The following USP10 variants were observed in gnomAD, a reference collection of about 807,000 sequenced individuals.
USP10 encodes ubiquitin carboxyl-terminal hydrolase 10.
A neutral mutation model predicts 84.5 loss-of-function variants in USP10; 22 were observed. The observed-to-expected ratio is 0.26, with a 90% confidence interval of 0.19 to 0.37. USP10 has a LOEUF of 0.37. Ranked by LOEUF, USP10 falls within the 10% of genes least tolerant of loss-of-function variation. The probability of loss-of-function intolerance (pLI) is 1.00; values close to 1 mark genes in which losing one functional copy is unlikely to be tolerated. For synonymous variants in USP10, 454 were observed against 387.6 expected, an observed-to-expected ratio of 1.17 and a Z score of -2.01; for missense variants, 1,019 against 998.9, an observed-to-expected ratio of 1.02 and a Z score of -0.27.
intron 4 of USP10, among the ~76,000 whole-genome samples, chr16:84,751,511 A>G (rs1597366916): frequency 6.6e-6 from 1 of 152,180 alleles, no homozygotes; most frequent in African/African-American, 2.4e-5. Flanking sequence ...ACCCTTGTGG[A>G]CTGAGAGTTT....
intron 3 of USP10, among the ~76,000 whole-genome samples, chr16:84,743,303 G>C (rs1002192993): frequency 1.3e-5 from 2 of 152,124 alleles, no homozygotes; most frequent in Non-Finnish European, 2.9e-5. Flanking sequence ...GGATTGTGCT[G>C]CCACCACCCT....
chr16:84,716,791 T>C (rs184150441), intron 1 of USP10, among the ~76,000 whole-genome samples: 3 of 152,352 alleles, frequency 2.0e-5, no homozygotes, highest in Non-Finnish European at 2.9e-5. Flanking sequence ...TCTACCTTTA[T>C]ATACACCTTA....
rs117255588 is a variant in USP10 at position 84,772,468 on chromosome 16, C to T, written c.1999-73C>T. 317 of 1,591,304 alleles carry T rather than the reference C, an allele frequency of 2.0e-4. No homozygotes were observed. The East Asian group carries it at 5.2e-3, about 26-fold the overall frequency. ...TCACCTCTCAGAGGACGTCTTTGAG[C>T]GGAAGGTGGATGTGGTGTTAGCTGT... On this transcript the variant is annotated intron_variant, in intron 11 of 13. Coordinates refer to ENST00000219473, the MANE Select transcript of USP10 (RefSeq NM_005153.3).
intron 1 of USP10, among the ~76,000 whole-genome samples, chr16:84,700,585 G>A (rs1362773995): frequency 6.6e-6 from 1 of 152,168 alleles, no homozygotes; most frequent in Non-Finnish European, 1.5e-5. Context: ...TTTGCCCCAA[G>A]AGCTTCCTTT....
intron 13 of USP10, among the ~76,000 whole-genome samples, chr16:84,778,117 G>A (rs1567659141): frequency 6.6e-6 from 1 of 151,108 alleles, no homozygotes; most frequent in Non-Finnish European, 1.5e-5. Flanking sequence ...GTGTGTGTGT[G>A]TTTTGTTCTG....
intron 1 of USP10, among the ~76,000 whole-genome samples, chr16:84,723,782 A>T (rs942163277): frequency 3.3e-5 from 5 of 152,246 alleles, no homozygotes; most frequent in African/African-American, 1.2e-4. Flanking sequence ...GTATATTTCC[A>T]TGAATTTTAA....
chr16:84,702,907 C>T lies in USP10; in HGVS notation c.21+2796C>T, dbSNP rs1226012765. ...ACTTGGGAGGCTGAGGCAGGAGAATCGCTTGAACCCGGGAGGCGGAGGTTG... is the reference window on the plus strand; with the variant it reads ...ACTTGGGAGGCTGAGGCAGGAGAATTGCTTGAACCCGGGAGGCGGAGGTTG... On this transcript the variant is annotated intron_variant, in intron 1 of 13. Coordinates refer to ENST00000219473, the MANE Select transcript of USP10 (RefSeq NM_005153.3). Among the ~76,000 whole-genome samples, 3 of 148,972 alleles carry T rather than the reference C, an allele frequency of 2.0e-5. No homozygotes were observed. The Admixed American group carries it at 2.0e-4, about 10-fold the overall frequency.
intron 1 of USP10, among the ~76,000 whole-genome samples, chr16:84,713,082 T>C (rs1336574272): frequency 6.6e-6 from 1 of 152,240 alleles, no homozygotes; most frequent in Admixed American, 6.5e-5. Flanking sequence ...GGCCCAATTA[T>C]GTGTCACCAG....
intron 4 of USP10, among the ~76,000 whole-genome samples, chr16:84,757,351 T>A (rs549700297): frequency 3.1e-4 from 46 of 150,604 alleles, no homozygotes; most frequent in African/African-American, 1.1e-3. Context: ...CTTCTTCAGT[T>A]AGAAGGAAGA....
Position 84,763,082 on chromosome 16 carries a change from A to G in USP10, c.1648A>G (p.Asn550Asp). Reference protein sequence around the residue: ...LNLKKLLSPSNEKLTISNGPK... With the variant: ...LNLKKLLSPSDEKLTISNGPK... The stretch of plus-strand genomic sequence containing the variant: ...CCTAAAGAAGCTTCTCTCACCAAGT[A>G]ATGAAAGTAGGTTATGGTCCACTTG... The change falls in exon 9 of 14, where the codon AAT (asparagine) becomes GAT (aspartate). Residue 550 changes from asparagine (N) to aspartate (D), a missense_variant. By Grantham distance (23) the Asn-to-Asp change is conservative (BLOSUM62 1). This residue lies in a region of USP10 where 787 missense variants were observed against 708.8 expected (regional missense o/e 1.11). Transcript: ENST00000219473. 3 of 1,608,974 alleles carry G rather than the reference A, an allele frequency of 1.9e-6. No homozygotes were observed. The highest frequency in any genetic ancestry group is 2.6e-6 in the Non-Finnish European group (3 of 1,175,744).
chr16:84,748,767 G>C (rs1256948535), intron 4 of USP10, among the ~76,000 whole-genome samples: 1 of 152,230 alleles, frequency 6.6e-6, no homozygotes, highest in African/African-American at 2.4e-5. Flanking sequence ...TTGATAAATA[G>C]TTTGTTATGT....
At chr16:84,728,224 A>G (rs1338326054) in intron 1 of USP10, among the ~76,000 whole-genome samples, 4 of 152,248 alleles carry the variant, frequency 2.6e-5, no homozygotes, top group Admixed American at 1.3e-4. Context: ...GGTGTCACAA[A>G]CATGCCTTGC....
chr16:84,706,146 G>C (rs1327956273), intron 1 of USP10, among the ~76,000 whole-genome samples: 3 of 152,138 alleles, frequency 2.0e-5, no homozygotes, highest in Non-Finnish European at 4.4e-5. Context: ...GCTTCCTAAA[G>C]TACTGGGATT....
chr16:84,764,233 C>T lies in USP10; in HGVS notation c.1802C>T (p.Pro601Leu). 1 of 1,614,020 alleles carries T rather than the reference C, an allele frequency of 6.2e-7. No homozygotes were observed. The highest frequency in any genetic ancestry group is 2.2e-5 in the East Asian group (1 of 44,886). Reference protein sequence around the residue: ...VTRQADFVQTPITGIFGGHIR... With the variant: ...VTRQADFVQTLITGIFGGHIR... Reference sequence around the variant, plus strand: ...CGCCAGGCGGATTTTGTTCAGACTCCAATCACCGGCATTTTTGGTGGACAC... The same window carrying T: ...CGCCAGGCGGATTTTGTTCAGACTCTAATCACCGGCATTTTTGGTGGACAC... Residue 601 changes from proline to leucine, a missense_variant, in exon 10 of 14, where the codon CCA becomes CTA. Pro to Leu is a moderately conservative substitution (Grantham distance 98). Around this residue, in one of 2 missense-constraint regions of USP10, gnomAD observed 232 missense variants for 290.1 expected, o/e 0.80. Coordinates refer to ENST00000219473, the MANE Select transcript of USP10 (RefSeq NM_005153.3).
At chr16:84,742,046 C>T (rs1298376997) in intron 3 of USP10, among the ~76,000 whole-genome samples, 4 of 152,172 alleles carry the variant, frequency 2.6e-5, no homozygotes, top group East Asian at 1.9e-4. Context: ...TTTTAGATCT[C>T]GGCCTTTTCT....
intron 10 of USP10, among the ~76,000 whole-genome samples, chr16:84,766,041 A>G (rs7191213): frequency 9.2e-5 from 14 of 151,842 alleles, no homozygotes; most frequent in Non-Finnish European, 1.6e-4. Context: ...TTTCAGTGAC[A>G]CTCTTAGTCT....
chr16:84,724,109 A>C (rs1908154091), intron 1 of USP10, among the ~76,000 whole-genome samples: 1 of 152,212 alleles, frequency 6.6e-6, no homozygotes, highest in African/African-American at 2.4e-5. Context: ...GCAATTTTAC[A>C]CAGGAAGTTA....
chr16:84,744,884 T>G lies in USP10; in HGVS notation c.403T>G (p.Leu135Val), dbSNP rs1465065904. The G allele has an allele frequency of 6.2e-7, 1 of 1,613,548 alleles. No individual in the cohort carries two copies. Among genetic ancestry groups the G allele is most frequent in the East Asian group, 2.2e-5 (1 of 44,892 alleles). Residue 135 changes from leucine to valine, a missense_variant, in exon 4 of 14, where the codon TTG (leucine) becomes GTG (valine). Coordinates refer to ENST00000219473, the MANE Select transcript of USP10 (RefSeq NM_005153.3). ...DGSSNVEAEV[L>V]ENDGVSGGLG... ...AAGTTCTAATGTGGAGGCGGAAGTT[T>G]TGGAAAATGATGGTGTCTCAGGTGG...
At chr16:84,724,639 T>C (rs922279973) in intron 1 of USP10, among the ~76,000 whole-genome samples, 2 of 152,178 alleles carry the variant, frequency 1.3e-5, no homozygotes, top group African/African-American at 2.4e-5. Flanking sequence ...CTTCTTCCTT[T>C]GTCTGCTTCT....
Sources: gnomAD v4.1 joint callset for allele counts (sites outside exome capture counted in the v4.1 genomes callset) on GRCh38, gnomAD v4.1.1 for gene constraint, gnomAD v4.1.1 regional missense constraint, MANE v1.5 for transcripts, NCBI Gene and HGNC (gene_info 2026-07-23, HGNC 2026-07-21) for gene names.